Variants in LMO3 observed in about 807,000 individuals in gnomAD.
LMO3 encodes LIM domain only protein 3.
LMO3 carries 2 observed loss-of-function variants against 15.8 expected under a neutral mutation model. The ratio of observed to expected loss-of-function variants is 0.13; its 90% CI spans 0.05 to 0.40. LMO3 has a LOEUF of 0.40. Among genes scored for constraint, LMO3 ranks in the 10% least tolerant of loss-of-function variants. The probability of loss-of-function intolerance (pLI) is 0.99; values close to 1 mark genes in which losing one functional copy is unlikely to be tolerated. For missense variants in LMO3, 86 were observed against 182.2 expected (o/e 0.47, Z 3.04); for synonymous variants, 62 against 63.8 (o/e 0.97, Z 0.13).
At chr12:16,568,883 C>A (rs897013789) in intron 2 of LMO3, among the ~76,000 whole-genome samples, 1 of 152,054 alleles carries the variant, frequency 6.6e-6, no homozygotes, top group Non-Finnish European at 1.5e-5. Context: ...TGAAATCCAT[C>A]CTAGAAATCT....
chr12:16,569,073 C>T (rs1044423565), intron 2 of LMO3, among the ~76,000 whole-genome samples: 1 of 152,112 alleles, frequency 6.6e-6, no homozygotes, highest in Non-Finnish European at 1.5e-5. Flanking sequence ...AGTGTTAATT[C>T]CTTTCTAAAC....
At chr12:16,557,136 A>T (rs570071358) in intron 3 of LMO3, among the ~76,000 whole-genome samples, 3 of 152,228 alleles carry the variant, frequency 2.0e-5, no homozygotes, top group African/African-American at 7.2e-5. Context: ...ACAACCTACA[A>T]TTACTTTGCA....
At chr12:16,609,779 G>A (rs1489196014), upstream of LMO3, 1 of 152,036 alleles carries the variant, frequency 6.6e-6, no homozygotes, top group Non-Finnish European at 1.5e-5. Context: ...GTGTATATAT[G>A]TATATTTCTA....
chr12:16,570,573 G>A (rs535893197), intron 2 of LMO3, among the ~76,000 whole-genome samples: 1 of 152,172 alleles, frequency 6.6e-6, no homozygotes, highest in South Asian at 2.1e-4. Context: ...TGTCAAATAA[G>A]CCATTTAATG....
rs1943663589 is a variant in LMO3 at position 16,596,482 on chromosome 12, A to G, written c.206+4173T>C. On this transcript the variant is annotated intron_variant, in intron 2 of 3. Coordinates refer to ENST00000537304, the MANE Select transcript of LMO3 (RefSeq NM_018640.5). The surrounding 1 kb of genome is among the most constrained non-coding windows in gnomAD (Gnocchi z 4.3). ...TAGAGATACAAGATACATACAGCCT[A>G]TATAGACTTAATGCTTAAAGTACGT... Among the ~76,000 whole-genome samples, 1 of 151,664 alleles carries G rather than the reference A, an allele frequency of 6.6e-6. No individual in the cohort carries two copies. Among genetic ancestry groups the G allele is most frequent in the Non-Finnish European group, 1.5e-5 (1 of 67,648 alleles).
intron 1 of LMO3, among the ~76,000 whole-genome samples, chr12:16,602,992 G>GAAAA (rs35078906): frequency 1.4e-5 from 2 of 143,536 alleles, no homozygotes. Context: ...ATGAAAAATC[G>GAAAA]AAAAAAAAAA....
intron 2 of LMO3, among the ~76,000 whole-genome samples, chr12:16,563,620 G>A (rs1175141961): frequency 1.3e-5 from 2 of 152,014 alleles, no homozygotes; most frequent in Middle Eastern, 3.4e-3. Flanking sequence ...TCCCACACTC[G>A]TTTATAAAGT....
intron 2 of LMO3, among the ~76,000 whole-genome samples, chr12:16,562,546 C>CATTGATCAT: frequency 6.6e-6 from 1 of 152,318 alleles, no homozygotes; most frequent in South Asian, 2.1e-4. Flanking sequence ...CCACACAAAC[C>CATTGATCAT]ATTGATCATC....
At chr12:16,562,443 C>G (rs1042147723) in intron 2 of LMO3, among the ~76,000 whole-genome samples, 31 of 152,200 alleles carry the variant, frequency 2.0e-4, no homozygotes, top group African/African-American at 7.5e-4. Context: ...AACATACACA[C>G]AATGCCATTT....
chr12:16,606,023 C>G (rs1302321369), intron 1 of LMO3, 43 bp downstream of exon 1: 3 of 602,540 alleles, frequency 5.0e-6, no homozygotes, highest in African/African-American at 3.7e-5. Flanking sequence ...GACACACACA[C>G]CACAAATAAG....
At position 16,603,720 on chromosome 12, in the gene LMO3, C is replaced by T. The variant is rs1943899676; in HGVS notation, c.-9+2346G>A. ...TAATTGCCTGGATTGCATTGTGAAG[C>T]GGCCTAACGGTTGATTGCCTCCATT... is the stretch of plus-strand genomic sequence containing the variant. On this transcript the variant is annotated intron_variant, in intron 1 of 3. Transcript: ENST00000537304. The surrounding 1 kb of genome is among the most constrained non-coding windows in gnomAD (Gnocchi z 4.9). 6.6e-6 allele frequency among the ~76,000 whole-genome samples: 1 copy of T among 152,126 alleles called. No homozygotes were observed. Among genetic ancestry groups the T allele is most frequent in the Non-Finnish European group, 1.5e-5 (1 of 68,030 alleles).
intron 2 of LMO3, among the ~76,000 whole-genome samples, chr12:16,588,930 A>C (rs1167904474): frequency 6.6e-6 from 1 of 151,126 alleles, no homozygotes; most frequent in Non-Finnish European, 1.5e-5. Context: ...GCCAATGTGT[A>C]CCGCTCTTTC....
intron 1 of LMO3, chr12:16,605,825 A>G (rs1330308151): frequency 2.6e-6 from 4 of 1,535,512 alleles, no homozygotes; most frequent in Admixed American, 3.9e-5. Context: ...TTCCGCCTGC[A>G]TCTATTTCAT....
Position 16,604,616 on chromosome 12 carries a change from A to G in LMO3, c.-9+1450T>C. The G allele has an allele frequency of 1.8e-6, 1 of 545,010 alleles. No individual in the cohort carries two copies. Among genetic ancestry groups the G allele is most frequent in the Non-Finnish European group, 3.2e-6 (1 of 308,096 alleles). 33.8% of individuals were successfully genotyped at this position (545,010 alleles called of 1,614,324 possible). On this transcript the variant is annotated intron_variant, in intron 1 of 3. Transcript: ENST00000537304. This position sits in a 1 kb window ranked among gnomAD's most constrained non-coding sequence, Gnocchi z 5.3. ...CACTCTAACAAAGAATCCCTTGCGG[A>G]GTTTATGCTCCAGCCTTTTGTGGTT...
rs926074846 is a variant in LMO3 at position 16,584,139 on chromosome 12, G to A, written c.206+16516C>T. 1.3e-5 allele frequency among the ~76,000 whole-genome samples: 2 copies of A among 152,176 alleles called. No individual in the cohort carries two copies. Among genetic ancestry groups the A allele is most frequent in the Non-Finnish European group, 2.9e-5 (2 of 68,030 alleles). On this transcript the variant is annotated intron_variant, in intron 2 of 3. Transcript: ENST00000537304. This position sits in a 1 kb window ranked among gnomAD's most constrained non-coding sequence, Gnocchi z 5.2. The stretch of plus-strand genomic sequence containing the variant: ...TTTAGAATCCCTAGAATTGTGGTAA[G>A]AGGGAAATGACAGCAGTGAGTAGGG...
In LMO3 at chr12:16,551,209, T is replaced by C; in HGVS notation, c.*13A>G. On this transcript the variant is annotated 3_prime_UTR_variant, in exon 4 of 4. Coordinates refer to ENST00000537304, the MANE Select transcript of LMO3 (RefSeq NM_018640.5). ...GTAGTGCTTTGTATTCTTAATGGGG[T>C]GATGTTGATAGATCAGCGAACCTGG... 6.8e-7 allele frequency: 1 copy of C among 1,472,914 alleles called. No individual in the cohort carries two copies. Among genetic ancestry groups the C allele is most frequent in the Non-Finnish European group, 9.5e-7 (1 of 1,051,330 alleles). The allele number at this position is 1,472,914 out of a possible 1,614,324, so 91.2% of individuals were successfully genotyped here.
In LMO3 at chr12:16,550,370, T is replaced by C. The variant is rs1039902643; in HGVS notation, c.*852A>G. On this transcript the variant is annotated 3_prime_UTR_variant, in exon 4 of 4. Coordinates refer to ENST00000537304, the MANE Select transcript of LMO3 (RefSeq NM_018640.5). ...GTAACCCTTTGGAAAAAATTTTACG[T>C]GATACCCAAAGGCACTAGTTCACAT... The C allele has an allele frequency of 1.6e-4, 24 of 152,322 alleles. No individual in the cohort carries two copies. The highest frequency in any genetic ancestry group is 5.8e-4 in the African/African-American group (24 of 41,382). 9.4% of individuals were successfully genotyped at this position (152,322 alleles called of 1,614,324 possible).
intron 3 of LMO3, among the ~76,000 whole-genome samples, chr12:16,553,478 C>T (rs1183710152): frequency 1.3e-5 from 2 of 151,980 alleles, no homozygotes; most frequent in Non-Finnish European, 2.9e-5. Context: ...AGAGGCAGAG[C>T]GAGAGAGAGA....
At position 16,559,265 on chromosome 12, in the gene LMO3, C is replaced by T. The variant is rs1165791697; in HGVS notation, c.332+1148G>A. 6.6e-6 allele frequency among the ~76,000 whole-genome samples: 1 copy of T among 152,074 alleles called. No homozygotes were observed. Among genetic ancestry groups the T allele is most frequent in the Non-Finnish European group, 1.5e-5 (1 of 67,996 alleles). On this transcript the variant is annotated intron_variant, in intron 3 of 3. Transcript: ENST00000537304. The surrounding 1 kb of genome is among the most constrained non-coding windows in gnomAD (Gnocchi z 4.1). ...TACGTACATTTTAATGTTCTAAAAT[C>T]CTCTCCATTTATCATATAAAACAGG...
Sources: gnomAD v4.1 joint callset for allele counts (sites outside exome capture counted in the v4.1 genomes callset) on GRCh38, gnomAD v4.1.1 for gene constraint, Gnocchi (gnomAD v3.1) non-coding constraint, MANE v1.5 for transcripts, NCBI Gene and HGNC (gene_info 2026-07-23, HGNC 2026-07-21) for gene names.